Variants in NREP observed in about 807,000 individuals in gnomAD.
The protein encoded by NREP is neuronal regeneration-related protein.
Under a neutral mutation model 8.6 loss-of-function variants are expected in NREP, and 5 were observed. That is an observed-to-expected ratio of 0.58 (90% CI 0.30 to 1.22). The LOEUF is 1.22. NREP is among the 50% of genes most tolerant of loss of function. NREP has a pLI of 0.07. For synonymous variants in NREP, 27 were observed against 28.0 expected (o/e 0.96, Z 0.11); for missense variants, 86 against 82.5 (o/e 1.04, Z -0.17).
intron 2 of NREP, among the ~76,000 whole-genome samples, chr5:111,794,685 G>T (rs1229175489): frequency 6.6e-6 from 1 of 152,062 alleles, no homozygotes; most frequent in Non-Finnish European, 1.5e-5. Context: ...GAGGTGAGAG[G>T]GATGAATAGG....
intron 2 of NREP, among the ~76,000 whole-genome samples, chr5:111,948,391 A>G (rs1049170371): frequency 2.0e-5 from 3 of 152,150 alleles, no homozygotes; most frequent in Non-Finnish European, 4.4e-5. Context: ...TGCAAACTAT[A>G]TGCCTCATGT....
chr5:111,906,058 A>G (rs1459359592), intron 2 of NREP, among the ~76,000 whole-genome samples: 1 of 152,014 alleles, frequency 6.6e-6, no homozygotes, highest in Non-Finnish European at 1.5e-5. Context: ...TTTGCTGACC[A>G]TTTCTTAGTT....
At chr5:111,956,471 C>A (rs1756323077) in intron 2 of NREP, among the ~76,000 whole-genome samples, 1 of 148,152 alleles carries the variant, frequency 6.7e-6, no homozygotes, top group Non-Finnish European at 1.5e-5. Flanking sequence ...TTTGAAGAGA[C>A]CTAAAAAAAA....
intron 2 of NREP, among the ~76,000 whole-genome samples, chr5:111,790,681 G>A (rs569210243): frequency 6.6e-6 from 1 of 152,162 alleles, no homozygotes; most frequent in South Asian, 2.1e-4. Flanking sequence ...AATATAGAAA[G>A]TAACTAAATG....
intron 2 of NREP, among the ~76,000 whole-genome samples, chr5:111,806,427 G>C (rs1752141909): frequency 6.6e-6 from 1 of 152,084 alleles, no homozygotes; most frequent in Non-Finnish European, 1.5e-5. Flanking sequence ...TGCAGAAAAG[G>C]GTAATGGATT....
chr5:111,758,196 C>T (rs1581095020), upstream of NREP: 11 of 985,620 alleles, frequency 1.1e-5, no homozygotes, highest in Non-Finnish European at 1.3e-5. Context: ...AAGGCCGGGC[C>T]CAGAGGTCCT....
At chr5:111,910,678 G>T (rs1279534905) in intron 2 of NREP, among the ~76,000 whole-genome samples, 1 of 151,996 alleles carries the variant, frequency 6.6e-6, no homozygotes, top group Admixed American at 6.6e-5. Context: ...GAGGAACTTG[G>T]CTTCTGAGAC....
At position 111,730,300 on chromosome 5, in the gene NREP, G is replaced by C. The variant is rs988199028; in HGVS notation, c.*621C>G. 1 of 152,348 alleles carries C rather than the reference G, an allele frequency of 6.6e-6. No individual in the cohort carries two copies. The highest frequency in any genetic ancestry group is 1.5e-5 in the Non-Finnish European group (1 of 68,006). The allele number at this position is 152,348 out of a possible 1,614,324, so 9.4% of individuals were successfully genotyped here. On this transcript the variant is annotated 3_prime_UTR_variant, in exon 4 of 4. Coordinates refer to ENST00000257435, the MANE Select transcript of NREP (RefSeq NM_004772.4). ...GAGTACCAACACCTTCTTAGAACAT[G>C]GAAATAAAAAATAACTCCATCAGAG...
At position 111,860,397 on chromosome 5, in the gene NREP, C is replaced by G. The variant is rs559923786; in HGVS notation, c.135+114877G>C. Among the ~76,000 whole-genome samples the G allele has an allele frequency of 2.2e-3, 339 of 152,202 alleles. 1 individual carries two copies. Among genetic ancestry groups the G allele is most frequent in the African/African-American group, 8.0e-3 (331 of 41,542 alleles). On this transcript the variant is annotated intron_variant, in intron 2 of 3. Transcript: ENST00000395634. ...TTCTTCATTGTATTGCACTTTAATC[C>G]TAGATATCATCAGTTAGTGATGAGA... is the stretch of plus-strand genomic sequence containing the variant.
At chr5:111,786,148 C>G (rs1751603684) in intron 2 of NREP, among the ~76,000 whole-genome samples, 1 of 152,194 alleles carries the variant, frequency 6.6e-6, no homozygotes, top group African/African-American at 2.4e-5. Context: ...TTAAACAACT[C>G]TAATTGCTAG....
intron 2 of NREP, among the ~76,000 whole-genome samples, chr5:111,906,066 GT>G (rs1358119972): frequency 1.3e-5 from 2 of 151,942 alleles, no homozygotes; most frequent in African/African-American, 4.8e-5. Flanking sequence ...CCATTTCTTA[GT>G]TTTTTTATTC....
chr5:111,897,651 C>G (rs1754542673), intron 2 of NREP, among the ~76,000 whole-genome samples: 1 of 152,132 alleles, frequency 6.6e-6, no homozygotes, highest in Admixed American at 6.6e-5. Context: ...ATGGCTAAAA[C>G]AGTGCACCAA....
At chr5:111,732,072 T>C (rs998232105) in intron 3 of NREP, 2 of 150,768 alleles carry the variant, frequency 1.3e-5, no homozygotes, top group African/African-American at 5.0e-5. Flanking sequence ...TCCTTTGTGG[T>C]TTTAAAACAT....
At chr5:111,757,720 C>T (rs1750823312), upstream of NREP, 6 of 984,592 alleles carry the variant, frequency 6.1e-6, no homozygotes, top group South Asian at 9.4e-5. Flanking sequence ...CAGCTCTGCG[C>T]CCCGGCCCCG....
chr5:111,852,321 G>C (rs931532495), intron 2 of NREP, among the ~76,000 whole-genome samples: 1 of 152,024 alleles, frequency 6.6e-6, no homozygotes, highest in Non-Finnish European at 1.5e-5. Context: ...GCCTCTAAGA[G>C]GGCCTCAGAA....
chr5:111,920,976 G>T (rs1270258931), intron 2 of NREP, among the ~76,000 whole-genome samples: 3 of 152,144 alleles, frequency 2.0e-5, no homozygotes, highest in Non-Finnish European at 4.4e-5. Context: ...AGATGTGTTA[G>T]AGCTTTCCTT....
intron 2 of NREP, among the ~76,000 whole-genome samples, chr5:111,883,236 A>C (rs184997784): frequency 6.6e-6 from 1 of 152,350 alleles, no homozygotes; most frequent in East Asian, 1.9e-4. Context: ...AAGCCATTAC[A>C]TAATGGTAAA....
intron 2 of NREP, among the ~76,000 whole-genome samples, chr5:111,767,920 C>T (rs1304722156): frequency 6.6e-6 from 1 of 152,142 alleles, no homozygotes; most frequent in African/African-American, 2.4e-5. Context: ...CTGCCTCGGC[C>T]TCCTAAAGTG....
intron 2 of NREP, among the ~76,000 whole-genome samples, chr5:111,919,656 A>G (rs1305253962): frequency 6.6e-6 from 1 of 152,014 alleles, no homozygotes; most frequent in Non-Finnish European, 1.5e-5. Flanking sequence ...CTCACTTATA[A>G]GGGGGAGCTG....
Sources: allele counts gnomAD v4.1 joint callset (sites outside exome capture counted in the v4.1 genomes callset), GRCh38; gene constraint gnomAD v4.1.1; transcripts MANE v1.5; gene names NCBI Gene and HGNC (gene_info 2026-07-23, HGNC 2026-07-21).